Variants in ARFGEF3 observed in about 807,000 individuals in gnomAD.
The protein encoded by ARFGEF3 is ARFGEF family member 3.
Under a neutral mutation model 221.7 loss-of-function variants are expected in ARFGEF3, and 96 were observed. The observed-to-expected ratio is 0.43, with a 90% CI of 0.37 to 0.51. The LOEUF (loss-of-function observed/expected upper bound fraction) is 0.51. Among genes scored for constraint, ARFGEF3 ranks in the 20% least tolerant of loss-of-function variants. The pLI, the probability that ARFGEF3 is intolerant of heterozygous loss-of-function variation, is 0.00. For missense variants in ARFGEF3, 2,410 were observed against 2,789.9 expected, an observed-to-expected ratio of 0.86 and a Z score of 3.07; for synonymous variants, 1,145 against 1,126.8, an observed-to-expected ratio of 1.02 and a Z score of -0.32.
intron 2 of ARFGEF3, among the ~76,000 whole-genome samples, chr6:138,179,062 A>G (rs1777012564): frequency 6.6e-6 from 1 of 152,182 alleles, no homozygotes. Flanking sequence ...TTTCCATGAA[A>G]AGTCCTTGGC....
chr6:138,212,103 A>G (rs1777738347), intron 4 of ARFGEF3, among the ~76,000 whole-genome samples: 1 of 152,240 alleles, frequency 6.6e-6, no homozygotes, highest in Non-Finnish European at 1.5e-5. Context: ...ATGCTTTATC[A>G]TGTACAACAT....
chr6:138,278,649 A>T, intron 13 of ARFGEF3, 32 bp downstream of exon 13: 1 of 1,609,928 alleles, frequency 6.2e-7, no homozygotes, highest in Non-Finnish European at 8.5e-7. Context: ...GGACTGGCAG[A>T]GGGCAGGCTG....
chr6:138,255,396 G>A (rs1778656384), intron 9 of ARFGEF3, 40 bp from the exon 10 acceptor site: 3 of 1,443,700 alleles, frequency 2.1e-6, no homozygotes, highest in African/African-American at 1.4e-5. Context: ...TTATCATTTG[G>A]CTCGTGGGGA....
chr6:138,250,195 A>G (rs895894234), intron 8 of ARFGEF3, among the ~76,000 whole-genome samples: 2 of 152,152 alleles, frequency 1.3e-5, no homozygotes, highest in East Asian at 3.9e-4. Flanking sequence ...TGTGTTCATG[A>G]TATGCTTGGA....
At chr6:138,235,800 A>G (rs1030058732) in intron 5 of ARFGEF3, among the ~76,000 whole-genome samples, 1 of 152,206 alleles carries the variant, frequency 6.6e-6, no homozygotes, top group African/African-American at 2.4e-5. Flanking sequence ...CATCAAATAC[A>G]TGGTAATTTT....
intron 26 of ARFGEF3, 76 bp downstream of exon 26, chr6:138,314,015 A>G (rs1481188096): frequency 7.0e-7 from 1 of 1,438,458 alleles, no homozygotes; most frequent in East Asian, 2.3e-5. Flanking sequence ...TAAATGAAGT[A>G]CCTTAAGCTT....
rs1290427638 is a variant in ARFGEF3 at position 138,170,704 on chromosome 6, A to C, written c.128A>C (p.His43Pro). ...GLDTIVKIPP[H>P]VLREKCLLPL... is the part of the protein sequence containing the mutation. ...GATACCATTGTCAAGATCCCTCCAC[A>C]TGTACTGAGGTAGGAGATGGACATT... The change falls in exon 2 of 34, where the codon CAT becomes CCT. Residue 43 changes from histidine (H) to proline (P), a missense_variant. Transcript: ENST00000251691. 3 of 1,579,242 alleles carry C rather than the reference A, an allele frequency of 1.9e-6. No homozygotes were observed. The highest frequency in any genetic ancestry group is 4.5e-5 in the East Asian group (2 of 44,740).
chr6:138,218,293 G>A lies in ARFGEF3; in HGVS notation c.351+8252G>A, dbSNP rs377720782. ...GTTTCTGGAGCTAGAATGCCTGGTAGCCTTGGGAAGTTACTTAATCTGTGC... is the reference window on the plus strand; with the variant it reads ...GTTTCTGGAGCTAGAATGCCTGGTAACCTTGGGAAGTTACTTAATCTGTGC... On this transcript the variant is annotated intron_variant, in intron 4 of 33. Coordinates refer to ENST00000251691, the MANE Select transcript of ARFGEF3 (RefSeq NM_020340.5). 4.8e-5 allele frequency: 76 copies of A among 1,589,374 alleles called. No homozygotes were observed. The African/African-American group carries it at 9.5e-4, about 20-fold the overall frequency.
Position 138,209,892 on chromosome 6 carries a change from C to T in ARFGEF3, c.220-18C>T. ...GGGGAGAGCCTATCTGTGATCACTG[C>T]CTTGTGCCTCTTTACAGAAGCTTCT... On this transcript the variant is annotated intron_variant, in intron 3 of 33. Transcript: ENST00000251691. 6.2e-7 allele frequency: 1 copy of T among 1,612,576 alleles called. No homozygotes were observed. The highest frequency in any genetic ancestry group is 8.5e-7 in the Non-Finnish European group (1 of 1,179,126).
Position 138,344,028 on chromosome 6 carries a change from C to T in ARFGEF3, c.*7542C>T, listed in dbSNP as rs920614344. On this transcript the variant is annotated 3_prime_UTR_variant, in exon 34 of 34. Coordinates refer to ENST00000251691, the MANE Select transcript of ARFGEF3 (RefSeq NM_020340.5). Reference sequence around the variant, plus strand: ...TTATTGCCCTAATCATGCTAAGAGACTATTATTCAATATGCTTTTCCCGCT... The same window carrying T: ...TTATTGCCCTAATCATGCTAAGAGATTATTATTCAATATGCTTTTCCCGCT... 6 of 152,124 alleles carry T rather than the reference C, an allele frequency of 3.9e-5. No homozygotes were observed. The highest frequency in any genetic ancestry group is 1.4e-4 in the African/African-American group (6 of 41,422). 9.4% of individuals were successfully genotyped at this position (152,124 alleles called of 1,614,324 possible). A position where few individuals can be genotyped will look rare whatever the true frequency, so the allele number is the denominator to read the frequency against.
At chr6:138,330,004 T>G (rs1583070575) in intron 32 of ARFGEF3, among the ~76,000 whole-genome samples, 1 of 150,202 alleles carries the variant, frequency 6.7e-6, no homozygotes, top group Non-Finnish European at 1.5e-5. Context: ...CAGGCAGGAG[T>G]GGGGGTCACA....
At chr6:138,298,887 A>C in intron 22 of ARFGEF3, 102 bp downstream of exon 22, 6 of 875,228 alleles carry the variant, frequency 6.9e-6, no homozygotes, top group Non-Finnish European at 1.0e-5. Context: ...CAATAATCCT[A>C]TGTGGAATCT....
chr6:138,217,150 A>G (rs1035549371), intron 4 of ARFGEF3: 3 of 152,332 alleles, frequency 2.0e-5, no homozygotes, highest in Admixed American at 2.0e-4. Flanking sequence ...ATTATCTATT[A>G]ATATCTTTTT....
chr6:138,231,097 AT>A (rs1778182861), intron 5 of ARFGEF3, among the ~76,000 whole-genome samples: 1 of 152,128 alleles, frequency 6.6e-6, no homozygotes, highest in Non-Finnish European at 1.5e-5. Context: ...GCTGCCAGGG[AT>A]TGAGGCTGTT....
chr6:138,213,462 A>T (rs950889119), intron 4 of ARFGEF3, among the ~76,000 whole-genome samples: 68 of 151,962 alleles, frequency 4.5e-4, no homozygotes, highest in African/African-American at 1.5e-3. Flanking sequence ...CAAAAAAAAA[A>T]ATATTGTCAC....
chr6:138,287,296 G>A (rs1481828907), intron 17 of ARFGEF3, 112 bp downstream of exon 17: 21 of 761,722 alleles, frequency 2.8e-5, no homozygotes, highest in Middle Eastern at 2.7e-4. Flanking sequence ...TGTGATGCCC[G>A]GTATGTATAC....
intron 31 of ARFGEF3, 50 bp downstream of exon 31, chr6:138,324,204 T>C (rs1208914409): frequency 6.3e-7 from 1 of 1,581,968 alleles, no homozygotes; most frequent in Non-Finnish European, 8.6e-7. Flanking sequence ...TCGAAGTGCA[T>C]GTTGGGAGAC....
intron 1 of ARFGEF3, among the ~76,000 whole-genome samples, chr6:138,163,300 T>C (rs1360413852): frequency 6.6e-6 from 1 of 152,208 alleles, no homozygotes; most frequent in Non-Finnish European, 1.5e-5. Context: ...GAATATTGTC[T>C]AGGAAGTTTG....
intron 4 of ARFGEF3, among the ~76,000 whole-genome samples, chr6:138,214,911 T>C (rs961716606): frequency 6.6e-6 from 1 of 152,226 alleles, no homozygotes; most frequent in African/African-American, 2.4e-5. Flanking sequence ...GTTTGATTTA[T>C]TGAAATGGCT....
Sources: allele counts gnomAD v4.1 joint callset (sites outside exome capture counted in the v4.1 genomes callset), GRCh38; gene constraint gnomAD v4.1.1; transcripts MANE v1.5; gene names NCBI Gene and HGNC (gene_info 2026-07-23, HGNC 2026-07-21).